The following EPHX2 variants were observed in gnomAD, a reference collection of about 807,000 sequenced individuals.
EPHX2 encodes the protein epoxide hydrolase 2.
In EPHX2, 74 loss-of-function variants were observed where a neutral mutation model predicts 78.7. The ratio of observed to expected loss-of-function variants is 0.94; its 90% CI spans 0.78 to 1.14. The LOEUF is 1.14. Ranked by LOEUF, EPHX2 falls within the 50% of genes most tolerant of loss-of-function variation. The pLI, the probability that EPHX2 is intolerant of heterozygous loss-of-function variation, is 0.00. For missense variants in EPHX2, 715 were observed against 702.5 expected, an observed-to-expected ratio of 1.02 and a Z score of -0.20; for synonymous variants, 251 against 255.2, an observed-to-expected ratio of 0.98 and a Z score of 0.16.
intron 2 of EPHX2, among the ~76,000 whole-genome samples, chr8:27,501,328 T>C (rs187934680): frequency 5.8e-5 from 2 of 34,292 alleles, no homozygotes; most frequent in African/African-American, 3.6e-4. Context: ...ATATATTTTC[T>C]TCTTCTTCTT....
Position 27,525,370 on chromosome 8 carries a change from C to G in EPHX2, c.1067C>G (p.Ala356Gly). Residue 356 changes from alanine (A) to glycine (G), a missense_variant, in exon 12 of 19, where the codon GCC becomes GGC. Physicochemically the swap from Ala to Gly is moderately conservative, Grantham distance 60. Transcript: ENST00000521400. ...LFYPERVRAV[A>G]SLNTPFIPAN... ...GCCTCTTATTTCTGTAGGGCGGTGG[C>G]CAGTTTGAATACTCCCTTCATACCA... The G allele has an allele frequency of 6.2e-7, 1 of 1,614,008 alleles. No homozygotes were observed. The highest frequency in any genetic ancestry group is 8.5e-7 in the Non-Finnish European group (1 of 1,179,948).
At chr8:27,542,979 TC>T (rs1815454584) in intron 16 of EPHX2, among the ~76,000 whole-genome samples, 1 of 144,224 alleles carries the variant, frequency 6.9e-6, no homozygotes, top group South Asian at 2.3e-4. Context: ...TCCTCTCTCC[TC>T]CCCCACCTCC....
intron 1 of EPHX2, 74 bp downstream of exon 1, chr8:27,491,383 G>A: frequency 8.7e-7 from 1 of 1,144,720 alleles, no homozygotes; most frequent in South Asian, 1.7e-5. Flanking sequence ...TTGCAGCCCA[G>A]CTTTCAGATT....
intron 7 of EPHX2, 94 bp from the exon 8 acceptor site, chr8:27,516,226 C>T: frequency 8.0e-7 from 1 of 1,245,834 alleles, no homozygotes; most frequent in Non-Finnish European, 1.2e-6. Context: ...TGGTTTGATC[C>T]ATTTACAGGA....
At chr8:27,491,405 G>GGA (rs1813374075) in intron 1 of EPHX2, 96 bp downstream of exon 1, 1 of 910,060 alleles carries the variant, frequency 1.1e-6, no homozygotes. Context: ...CTCCTGTGCC[G>GGA]GAGCCCTGCG....
chr8:27,504,025 G>A (rs1813902072), intron 3 of EPHX2, among the ~76,000 whole-genome samples: 1 of 152,158 alleles, frequency 6.6e-6, no homozygotes, highest in Non-Finnish European at 1.5e-5. Flanking sequence ...CCCTTCAATG[G>A]CACTTTAGTA....
At chr8:27,523,888 G>A (rs1337435568) in intron 11 of EPHX2, among the ~76,000 whole-genome samples, 1 of 151,584 alleles carries the variant, frequency 6.6e-6, no homozygotes, top group Non-Finnish European at 1.5e-5. Context: ...AGGAAAGATA[G>A]CAACGAGCTG....
At chr8:27,524,746 T>C (rs1358242866) in intron 11 of EPHX2, among the ~76,000 whole-genome samples, 1 of 152,174 alleles carries the variant, frequency 6.6e-6, no homozygotes, top group African/African-American at 2.4e-5. Flanking sequence ...TCCTCCATGA[T>C]GCCCAGTTCA....
chr8:27,516,244 G>A (rs1814446510), intron 7 of EPHX2, 76 bp from the exon 8 acceptor site: 2 of 1,372,200 alleles, frequency 1.5e-6, no homozygotes, highest in Non-Finnish European at 2.1e-6. Flanking sequence ...GGAAGAAGGG[G>A]ATGGAGGGAA....
At chr8:27,501,387 C>CTTTCTTCT (rs765658239) in intron 2 of EPHX2, among the ~76,000 whole-genome samples, 17 of 67,548 alleles carry the variant, frequency 2.5e-4, no homozygotes, top group African/African-American at 8.9e-4. Context: ...TCTTCTTCTT[C>CTTTCTTCT]TTCTTCTTTC....
chr8:27,511,911 G>A lies in EPHX2; in HGVS notation c.735+1G>A, dbSNP rs753195430. Reference sequence around the variant, plus strand: ...GAGCCATGGGTACGTGACAGTAAAGGTGAGTCAGTTTTGTCTCTCAGTCGG... The same window carrying A: ...GAGCCATGGGTACGTGACAGTAAAGATGAGTCAGTTTTGTCTCTCAGTCGG... On this transcript the variant is annotated splice_donor_variant, in intron 6 of 18. Coordinates refer to ENST00000521400, the MANE Select transcript of EPHX2 (RefSeq NM_001979.6). LOFTEE classifies it high-confidence loss of function. 5 of 1,613,952 alleles carry A rather than the reference G, an allele frequency of 3.1e-6. No individual in the cohort carries two copies. The East Asian group carries it at 1.1e-4, about 36-fold the overall frequency.
chr8:27,538,945 T>C, intron 14 of EPHX2: 1 of 515,008 alleles, frequency 1.9e-6, no homozygotes, highest in Non-Finnish European at 3.5e-6. Flanking sequence ...GTCTTAGAGC[T>C]TGTCCAGGGC....
At chr8:27,530,850 A>G (rs1234574317) in intron 12 of EPHX2, among the ~76,000 whole-genome samples, 1 of 141,984 alleles carries the variant, frequency 7.0e-6, no homozygotes, top group Non-Finnish European at 1.5e-5. Flanking sequence ...CACAACCTCC[A>G]TCTCCCGGGT....
intron 12 of EPHX2, among the ~76,000 whole-genome samples, chr8:27,535,233 A>T (rs568165089): frequency 1.3e-5 from 2 of 151,934 alleles, no homozygotes. Flanking sequence ...CTGGAGTGCA[A>T]TTGTGAGATC....
chr8:27,526,870 C>T (rs1490161848), intron 12 of EPHX2, among the ~76,000 whole-genome samples: 1 of 152,170 alleles, frequency 6.6e-6, no homozygotes, highest in East Asian at 1.9e-4. Context: ...CCCATATCAG[C>T]CTCCTGAGTA....
intron 1 of EPHX2, among the ~76,000 whole-genome samples, chr8:27,491,567 A>G (rs1813381343): frequency 6.6e-6 from 1 of 152,244 alleles, no homozygotes; most frequent in African/African-American, 2.4e-5. Flanking sequence ...GGAGTTACTC[A>G]TGGAGCTTTG....
At chr8:27,520,171 T>A (rs1814597381) in intron 9 of EPHX2, among the ~76,000 whole-genome samples, 2 of 151,626 alleles carry the variant, frequency 1.3e-5, no homozygotes, top group South Asian at 2.1e-4. Flanking sequence ...AATTTTATTT[T>A]TTTTATTTTT....
At chr8:27,517,800 G>A (rs1814511688) in intron 8 of EPHX2, among the ~76,000 whole-genome samples, 1 of 152,130 alleles carries the variant, frequency 6.6e-6, no homozygotes, top group East Asian at 1.9e-4. Context: ...AAACACAGGG[G>A]GAAAGCTTGA....
chr8:27,525,312 A>G (rs925310635), intron 11 of EPHX2, 50 bp from the exon 12 acceptor site: 1 of 1,559,390 alleles, frequency 6.4e-7, no homozygotes, highest in Non-Finnish European at 8.8e-7. Flanking sequence ...TGGCTCTTGT[A>G]AGACTGTCTT....
Sources: gnomAD v4.1 joint callset for allele counts (sites outside exome capture counted in the v4.1 genomes callset) on GRCh38, gnomAD v4.1.1 for gene constraint, MANE v1.5 for transcripts, NCBI Gene and HGNC (gene_info 2026-07-23, HGNC 2026-07-21) for gene names.